CHST8: variants seen among roughly 807,000 people sequenced by gnomAD.
CHST8 encodes the protein carbohydrate sulfotransferase 8.
In CHST8, 10 loss-of-function variants were observed where a neutral mutation model predicts 15.0. The ratio of observed to expected loss-of-function variants is 0.67; its 90% CI spans 0.41 to 1.13. The LOEUF (loss-of-function observed/expected upper bound fraction) is 1.13. Among genes scored for constraint, CHST8 ranks in the 50% most tolerant of loss-of-function variants. CHST8 has a pLI of 0.00. For missense variants in CHST8, 634 were observed against 608.2 expected (o/e 1.04, Z -0.45); for synonymous variants, 259 against 256.6 (o/e 1.01, Z -0.09).
intron 1 of CHST8, among the ~76,000 whole-genome samples, chr19:33,660,204 T>C (rs1972569385): frequency 1.3e-5 from 2 of 152,218 alleles, no homozygotes; most frequent in African/African-American, 4.8e-5. Context: ...CAATCAATGA[T>C]GCTAGTTGCC....
chr19:33,663,384 G>A (rs1014429648), intron 1 of CHST8, among the ~76,000 whole-genome samples: 3 of 152,168 alleles, frequency 2.0e-5, no homozygotes, highest in Non-Finnish European at 2.9e-5. Flanking sequence ...GGGCAACATA[G>A]CAAGACCCTG....
chr19:33,758,637 G>A (rs1439212515), intron 3 of CHST8, among the ~76,000 whole-genome samples: 1 of 152,180 alleles, frequency 6.6e-6, no homozygotes, highest in Non-Finnish European at 1.5e-5. Context: ...TCATTTTCTT[G>A]CAGCTGGGCC....
intron 3 of CHST8, among the ~76,000 whole-genome samples, chr19:33,761,532 TG>T (rs1974728167): frequency 6.6e-6 from 1 of 152,088 alleles, no homozygotes; most frequent in African/African-American, 2.4e-5. Context: ...GATTTCGTCA[TG>T]TTGGCCAGGC....
chr19:33,677,436 T>G (rs1972824779), intron 2 of CHST8, among the ~76,000 whole-genome samples: 1 of 152,146 alleles, frequency 6.6e-6, no homozygotes, highest in Non-Finnish European at 1.5e-5. Context: ...CCTTGGATGT[T>G]GTTCAAGATA....
intron 1 of CHST8, among the ~76,000 whole-genome samples, chr19:33,665,818 T>G (rs1972650254): frequency 6.6e-6 from 1 of 152,068 alleles, no homozygotes; most frequent in South Asian, 2.1e-4. Context: ...TTGCACATGG[T>G]TCACACTCAG....
chr19:33,698,399 A>AGAAAGAAAG (rs1232591572), intron 3 of CHST8, among the ~76,000 whole-genome samples: 2 of 135,818 alleles, frequency 1.5e-5, no homozygotes, highest in African/African-American at 7.2e-5. Flanking sequence ...AAAAAAAAAA[A>AGAAAGAAAG]AAAGAAAGAA....
intron 3 of CHST8, among the ~76,000 whole-genome samples, chr19:33,764,244 A>G (rs1466408782): frequency 6.6e-6 from 1 of 151,596 alleles, no homozygotes; most frequent in Non-Finnish European, 1.5e-5. Context: ...TGCCCCAAAC[A>G]CACCGAGAAC....
At chr19:33,645,890 G>A (rs894174517) in intron 1 of CHST8, among the ~76,000 whole-genome samples, 2 of 152,176 alleles carry the variant, frequency 1.3e-5, no homozygotes, top group African/African-American at 4.8e-5. Context: ...ACTTTGGGAG[G>A]CCATGGTGGG....
intron 3 of CHST8, among the ~76,000 whole-genome samples, chr19:33,719,135 T>C (rs1973728463): frequency 6.6e-6 from 1 of 152,034 alleles, no homozygotes; most frequent in Admixed American, 6.5e-5. Context: ...GGCGGGTGTC[T>C]ACCACCTCCA....
At chr19:33,682,496 A>G (rs1281631839) in intron 2 of CHST8, among the ~76,000 whole-genome samples, 1 of 152,138 alleles carries the variant, frequency 6.6e-6, no homozygotes, top group Non-Finnish European at 1.5e-5. Context: ...CATCACCACT[A>G]TCCATCTCCA....
At chr19:33,721,014 C>T (rs542971832) in intron 3 of CHST8, among the ~76,000 whole-genome samples, 1 of 152,378 alleles carries the variant, frequency 6.6e-6, no homozygotes. Flanking sequence ...TCAGCTTGCA[C>T]CTCTGGCCAT....
chr19:33,740,225 G>T (rs930105884), intron 3 of CHST8, among the ~76,000 whole-genome samples: 2 of 152,126 alleles, frequency 1.3e-5, no homozygotes, highest in African/African-American at 2.4e-5. Context: ...TACATCACTC[G>T]TGGGTTGTGG....
intron 3 of CHST8, among the ~76,000 whole-genome samples, chr19:33,730,052 C>T (rs1412252013): frequency 1.3e-5 from 2 of 152,152 alleles, no homozygotes; most frequent in Non-Finnish European, 2.9e-5. Context: ...TCTTAGGACC[C>T]TCATGTCAGA....
At chr19:33,650,876 T>G (rs921395336) in intron 1 of CHST8, among the ~76,000 whole-genome samples, 2 of 152,070 alleles carry the variant, frequency 1.3e-5, no homozygotes, top group Admixed American at 1.3e-4. Context: ...GCATGGCTAA[T>G]TTTTGTATTT....
At chr19:33,759,994 A>C (rs1287851939) in intron 3 of CHST8, among the ~76,000 whole-genome samples, 1 of 151,480 alleles carries the variant, frequency 6.6e-6, no homozygotes, top group Non-Finnish European at 1.5e-5. Flanking sequence ...TTCCCAGCAC[A>C]CCTCCATCTC....
At chr19:33,652,342 TG>T (rs1352404752) in intron 1 of CHST8, among the ~76,000 whole-genome samples, 1 of 150,916 alleles carries the variant, frequency 6.6e-6, no homozygotes, top group Non-Finnish European at 1.5e-5. Context: ...TTTTTTTTTG[TG>T]GTTACTGGTT....
chr19:33,656,682 G>A (rs917411715), intron 1 of CHST8, among the ~76,000 whole-genome samples: 7 of 151,818 alleles, frequency 4.6e-5, no homozygotes, highest in African/African-American at 1.7e-4. Flanking sequence ...GACCACAGGC[G>A]CACACCACCA....
At chr19:33,684,095 T>G (rs1438312850) in intron 2 of CHST8, among the ~76,000 whole-genome samples, 1 of 152,202 alleles carries the variant, frequency 6.6e-6, no homozygotes, top group African/African-American at 2.4e-5. Flanking sequence ...GCTGTGTGTT[T>G]GCAGGCGCCC....
chr19:33,696,661 C>T (rs1426028565), intron 3 of CHST8, among the ~76,000 whole-genome samples: 2 of 152,018 alleles, frequency 1.3e-5, no homozygotes, highest in South Asian at 4.2e-4. Context: ...CATCTCCCTT[C>T]CCCAGACCGT....
Sources: allele counts gnomAD v4.1 joint callset (sites outside exome capture counted in the v4.1 genomes callset), GRCh38; gene constraint gnomAD v4.1.1; transcripts MANE v1.5; gene names NCBI Gene and HGNC (gene_info 2026-07-23, HGNC 2026-07-21).